Variants in GPHN observed in about 807,000 individuals in gnomAD.
GPHN encodes gephyrin.
In GPHN, 17 loss-of-function variants were observed where a neutral mutation model predicts 95.5. The ratio of observed to expected loss-of-function variants is 0.18; its 90% confidence interval spans 0.12 to 0.27. The LOEUF is 0.27. Ranked by LOEUF, GPHN falls within the 10% of genes least tolerant of loss-of-function variation. The probability of loss-of-function intolerance (pLI) is 1.00; values close to 1 mark genes in which losing one functional copy is unlikely to be tolerated. For synonymous variants in GPHN, 320 were observed against 322.5 expected, an observed-to-expected ratio of 0.99 and a Z score of 0.08; for missense variants, 660 against 978.1, an observed-to-expected ratio of 0.67 and a Z score of 4.34.
At chr14:66,957,834 T>C (rs1339737540) in intron 8 of GPHN, among the ~76,000 whole-genome samples, 1 of 152,210 alleles carries the variant, frequency 6.6e-6, no homozygotes, top group Non-Finnish European at 1.5e-5. Context: ...GCATTACTGC[T>C]GAGCTCTACC....
the GPHN span, among the ~76,000 whole-genome samples, chr14:67,298,045 A>G: frequency 1.3e-5 from 2 of 152,130 alleles, no homozygotes; most frequent in Non-Finnish European, 2.9e-5. Context: ...TTTAATGCTG[A>G]ATCAAAAAGG....
chr14:66,641,016 CTTAAA>C (rs1017375918), intron 1 of GPHN, among the ~76,000 whole-genome samples: 16 of 152,124 alleles, frequency 1.1e-4, no homozygotes, highest in Non-Finnish European at 2.1e-4. Context: ...AGAGCCACAT[CTTAAA>C]TTAAATGGGA....
At chr14:67,584,410 AT>A in the GPHN span, among the ~76,000 whole-genome samples, 1 of 152,120 alleles carries the variant, frequency 6.6e-6, no homozygotes, top group South Asian at 2.1e-4. Context: ...GAGTGCTTTC[AT>A]TTTTTTTAAA....
At chr14:67,193,954 C>CAAAA in the GPHN span, among the ~76,000 whole-genome samples, 3 of 85,756 alleles carry the variant, frequency 3.5e-5, no homozygotes, top group African/African-American at 1.2e-4. Context: ...CAAAAAAAAA[C>CAAAA]AAAAAAAAAA....
At chr14:67,504,074 T>A in the GPHN span, among the ~76,000 whole-genome samples, 19 of 151,966 alleles carry the variant, frequency 1.3e-4, no homozygotes, top group African/African-American at 4.6e-4. Flanking sequence ...AGTGCAGTCG[T>A]GCGATCTCGG....
intron 5 of GPHN, among the ~76,000 whole-genome samples, chr14:66,908,275 G>T (rs1316335164): frequency 6.6e-6 from 1 of 151,652 alleles, no homozygotes; most frequent in Non-Finnish European, 1.5e-5. Flanking sequence ...AAGCACTCAA[G>T]AAAACAAACT....
chr14:67,283,980 T>G, the GPHN span, among the ~76,000 whole-genome samples: 1 of 152,202 alleles, frequency 6.6e-6, no homozygotes, highest in African/African-American at 2.4e-5. Context: ...AAAACTGAGT[T>G]TAAATACTTT....
chr14:67,732,618 C>T, the GPHN span, among the ~76,000 whole-genome samples: 1 of 151,850 alleles, frequency 6.6e-6, no homozygotes, highest in Non-Finnish European at 1.5e-5. Context: ...GTCTTGTCGC[C>T]CAGGCTGGAT....
chr14:66,910,949 A>C (rs188922122), intron 5 of GPHN, among the ~76,000 whole-genome samples: 3 of 152,054 alleles, frequency 2.0e-5, no homozygotes, highest in African/African-American at 7.2e-5. Context: ...GCATATCAGC[A>C]TGGAGGAGTT....
the GPHN span, among the ~76,000 whole-genome samples, chr14:67,555,021 G>A: frequency 4.3e-3 from 658 of 152,092 alleles, 4 homozygotes; most frequent in Admixed American, 0.023. Flanking sequence ...CAAGTGATCC[G>A]CCTGCCTCAG....
At chr14:66,658,315 A>T (rs1442050136) in intron 1 of GPHN, among the ~76,000 whole-genome samples, 1 of 152,166 alleles carries the variant, frequency 6.6e-6, no homozygotes, top group Non-Finnish European at 1.5e-5. Context: ...CCTGGTGAAG[A>T]TGCTGTGAAT....
the GPHN span, chr14:67,397,766 A>G: frequency 1.2e-6 from 2 of 1,613,478 alleles, no homozygotes; most frequent in Non-Finnish European, 1.7e-6. Flanking sequence ...AGCTTGTAGT[A>G]CACCAGCGTG....
chr14:67,440,569 G>C, the GPHN span, among the ~76,000 whole-genome samples: 2 of 152,100 alleles, frequency 1.3e-5, no homozygotes, highest in Non-Finnish European at 1.5e-5. Flanking sequence ...CTGGCCAACA[G>C]GGTGAAAACC....
chr14:66,824,684 G>A, intron 4 of GPHN, 118 bp downstream of exon 4: 1 of 602,684 alleles, frequency 1.7e-6, no homozygotes, highest in Non-Finnish European at 2.9e-6. Flanking sequence ...ATGACTTGTA[G>A]TTCTAATAAT....
At chr14:66,559,295 A>G (rs1178876486) in intron 1 of GPHN, among the ~76,000 whole-genome samples, 4 of 150,056 alleles carry the variant, frequency 2.7e-5, no homozygotes, top group Non-Finnish European at 5.9e-5. Context: ...CTATTTCTAG[A>G]TCCCTGAGGA....
the GPHN span, chr14:67,690,306 C>G: frequency 1.9e-6 from 3 of 1,614,160 alleles, no homozygotes; most frequent in South Asian, 3.3e-5. Context: ...TCTCGCCCTG[C>G]AGGTTATGGA....
the GPHN span, among the ~76,000 whole-genome samples, chr14:67,477,877 G>T: frequency 1.2e-4 from 19 of 152,228 alleles, no homozygotes; most frequent in Admixed American, 2.6e-4. Flanking sequence ...TAGAACCAGC[G>T]GTCTCAAAGT....
the GPHN span, chr14:67,648,731 G>A: frequency 1.5e-4 from 23 of 152,332 alleles, no homozygotes; most frequent in Admixed American, 1.0e-3. Context: ...TGAATTCTAC[G>A]TTATCAAGAC....
intron 11 of GPHN, among the ~76,000 whole-genome samples, chr14:67,067,296 T>G (rs1229025607): frequency 1.3e-5 from 2 of 152,092 alleles, no homozygotes; most frequent in Non-Finnish European, 2.9e-5. Context: ...TAACAGCAAA[T>G]ATTGCTGCCT....
Sources: gnomAD v4.1 joint callset for allele counts (sites outside exome capture counted in the v4.1 genomes callset) on GRCh38, gnomAD v4.1.1 for gene constraint, MANE v1.5 for transcripts, NCBI Gene and HGNC (gene_info 2026-07-23, HGNC 2026-07-21) for gene names.